Variants in KIDINS220 observed in about 807,000 individuals in gnomAD.
KIDINS220 encodes the protein kinase D interacting substrate 220.
A neutral mutation model predicts 157.6 loss-of-function variants in KIDINS220; 63 were observed. That is an observed-to-expected ratio of 0.40 (90% confidence interval 0.33 to 0.49). KIDINS220 has a LOEUF of 0.49. Ranked by LOEUF, KIDINS220 falls within the 20% of genes least tolerant of loss-of-function variation. KIDINS220 has a pLI of 0.66. For synonymous variants in KIDINS220, 732 were observed against 783.6 expected (o/e 0.93, Z 1.10); for missense variants, 1,772 against 2,171.2 (o/e 0.82, Z 3.65).
intron 24 of KIDINS220, 89 bp from the exon 25 acceptor site, chr2:8,748,089 A>G (rs983868147): frequency 6.4e-5 from 40 of 629,762 alleles, no homozygotes; most frequent in Non-Finnish European, 9.8e-5. Context: ...ATAAGATACA[A>G]CTCCAAAACT....
Position 8,734,625 on chromosome 2 carries a change from G to C in KIDINS220, c.3816+30C>G, listed in dbSNP as rs758353953. On this transcript the variant is annotated intron_variant, in intron 28 of 29. Coordinates refer to ENST00000256707, the MANE Select transcript of KIDINS220 (RefSeq NM_020738.4). Reference sequence around the variant, plus strand: ...TTGAATGTTATCATAAAATAATGTTGTAAACATCACAATGTTACAAATATC... The same window carrying C: ...TTGAATGTTATCATAAAATAATGTTCTAAACATCACAATGTTACAAATATC... 29 of 1,402,648 alleles carry C rather than the reference G, an allele frequency of 2.1e-5. No individual in the cohort carries two copies. In the Middle Eastern group the frequency reaches 9.8e-4, roughly 47 times the overall value. The allele number at this position is 1,402,648 out of a possible 1,614,324, so 86.9% of individuals were successfully genotyped here. A position where few individuals can be genotyped will look rare whatever the true frequency, so the allele number is the denominator to read the frequency against.
chr2:8,728,734 TG>T, downstream of KIDINS220: 1 of 440,248 alleles, frequency 2.3e-6, no homozygotes, highest in Non-Finnish European at 3.0e-6. Context: ...ACTGAGGCAC[TG>T]GGACTTACGA....
At chr2:8,780,763 AAC>A (rs1466776180) in intron 17 of KIDINS220, among the ~76,000 whole-genome samples, 3 of 152,202 alleles carry the variant, frequency 2.0e-5, no homozygotes, top group South Asian at 2.1e-4. Flanking sequence ...ACTCAAAAAA[AAC>A]AGTTTAAAAA....
At chr2:8,793,481 GT>G (rs1361322243) in intron 12 of KIDINS220, among the ~76,000 whole-genome samples, 1 of 152,172 alleles carries the variant, frequency 6.6e-6, no homozygotes, top group Non-Finnish European at 1.5e-5. Flanking sequence ...GGGCAACAGA[GT>G]GAGACCCAGT....
At chr2:8,810,883 A>C (rs1164381651) in intron 6 of KIDINS220, among the ~76,000 whole-genome samples, 2 of 152,230 alleles carry the variant, frequency 1.3e-5, no homozygotes. Flanking sequence ...CAAATGCAAT[A>C]TTCTTAAATG....
At chr2:8,764,239 A>C (rs1669143083) in intron 22 of KIDINS220, among the ~76,000 whole-genome samples, 2 of 152,180 alleles carry the variant, frequency 1.3e-5, no homozygotes, top group Non-Finnish European at 1.5e-5. Flanking sequence ...TTAGAGACTC[A>C]GAAGGGACAG....
intron 1 of KIDINS220, among the ~76,000 whole-genome samples, chr2:8,829,410 G>A (rs1679293677): frequency 6.6e-6 from 1 of 152,090 alleles, no homozygotes; most frequent in Non-Finnish European, 1.5e-5. Flanking sequence ...AAAAAATGAT[G>A]TTATTTGATC....
chr2:8,820,669 T>C (rs1435703116), intron 2 of KIDINS220, among the ~76,000 whole-genome samples: 4 of 152,140 alleles, frequency 2.6e-5, no homozygotes, highest in Non-Finnish European at 4.4e-5. Flanking sequence ...TACACATAAA[T>C]AGATTTTCTC....
intron 4 of KIDINS220, among the ~76,000 whole-genome samples, chr2:8,813,938 T>TAA (rs1322886210): frequency 6.6e-6 from 1 of 151,994 alleles, no homozygotes; most frequent in Non-Finnish European, 1.5e-5. Flanking sequence ...AAAAAAAAAT[T>TAA]TAAAAAATAA....
chr2:8,827,057 CATA>C lies in KIDINS220; in HGVS notation c.34_36del (p.Tyr12del). On this transcript the variant is annotated inframe_deletion, in exon 2 of 30. Transcript: ENST00000256707. The stretch of plus-strand genomic sequence containing the variant: ...AGAGCAGGAATGTTTTCTTCCTCTA[CATA>C]ATTTATGACGCTCTGTGATATCAAA... The C allele has an allele frequency of 6.2e-7, 1 of 1,609,210 alleles. No individual in the cohort carries two copies. Among genetic ancestry groups the C allele is most frequent in the Non-Finnish European group, 8.5e-7 (1 of 1,176,674 alleles).
chr2:8,832,444 T>C (rs1679783733), intron 1 of KIDINS220, among the ~76,000 whole-genome samples: 1 of 152,204 alleles, frequency 6.6e-6, no homozygotes, highest in Non-Finnish European at 1.5e-5. Flanking sequence ...TGACACGCTG[T>C]CATGTTTAAG....
chr2:8,833,134 A>T (rs1254341602), intron 1 of KIDINS220, among the ~76,000 whole-genome samples: 1 of 152,200 alleles, frequency 6.6e-6, no homozygotes, highest in Non-Finnish European at 1.5e-5. Flanking sequence ...ATGCTGCTGA[A>T]CACTACAGCT....
At chr2:8,762,791 T>TA (rs1017654600) in intron 22 of KIDINS220, among the ~76,000 whole-genome samples, 1 of 151,736 alleles carries the variant, frequency 6.6e-6, no homozygotes, top group Admixed American at 6.6e-5. Context: ...AAAAGTTACC[T>TA]AAAAAAAATT....
rs377667176 is a variant in KIDINS220, at chr2:8,778,957, A to G, written c.2553T>C (p.Asn851=). The G allele has an allele frequency of 2.2e-4, 361 of 1,614,036 alleles. No homozygotes were observed. The highest frequency in any genetic ancestry group is 3.0e-4 in the Non-Finnish European group (351 of 1,180,024). Residue 851 remains asparagine, a synonymous_variant, in exon 19 of 30, where the codon AAT becomes AAC. Coordinates refer to ENST00000256707, the MANE Select transcript of KIDINS220 (RefSeq NM_020738.4). ...CTGAAGTTACGAGAAATTTTCTTGC[A>G]TTGCTTAGTCCACGACTATTAAGGA... ...PVFLNSRGLS[N]ARKFLVTSAT... is the part of the protein sequence containing the mutation.
At chr2:8,825,616 A>T (rs190158644) in intron 2 of KIDINS220, 29 of 152,292 alleles carry the variant, frequency 1.9e-4, no homozygotes, top group Admixed American at 4.6e-4. Flanking sequence ...GTGTAAAATA[A>T]AAAACCACTC....
chr2:8,776,987 A>C lies in KIDINS220; in HGVS notation c.2704-95T>G, dbSNP rs991649813. ...GTTAATAAATGTTTATAACAAAAAA[A>C]AAATCCAAAGTTTTAGTCAAAGAGG... On this transcript the variant is annotated intron_variant, in intron 20 of 29. Coordinates refer to ENST00000256707, the MANE Select transcript of KIDINS220 (RefSeq NM_020738.4). The C allele has an allele frequency of 2.9e-6, 4 of 1,374,358 alleles. No individual in the cohort carries two copies. The Admixed American group carries it at 9.5e-5, about 33-fold the overall frequency. The allele number at this position is 1,374,358 out of a possible 1,614,324, so 85.1% of individuals were successfully genotyped here. A position where few individuals can be genotyped will look rare whatever the true frequency, so the allele number is the denominator to read the frequency against.
rs199746581 is a variant in KIDINS220, at chr2:8,789,869, C to A, written c.1621+11G>T. On this transcript the variant is annotated intron_variant, in intron 14 of 29. Coordinates refer to ENST00000256707, the MANE Select transcript of KIDINS220 (RefSeq NM_020738.4). Reference sequence around the variant, plus strand: ...CTCCATTTTTGAAAAAGATAAAAAGCAAAGACTTACTAAAGAATATATATA... The same window carrying A: ...CTCCATTTTTGAAAAAGATAAAAAGAAAAGACTTACTAAAGAATATATATA... The A allele has an allele frequency of 1.0e-4, 159 of 1,565,424 alleles. No homozygotes were observed. The highest frequency in any genetic ancestry group is 1.4e-4 in the Non-Finnish European group (157 of 1,159,882).
At chr2:8,779,918 A>T in intron 17 of KIDINS220, 104 bp from the exon 18 acceptor site, 19 of 1,199,360 alleles carry the variant, frequency 1.6e-5, no homozygotes, top group Non-Finnish European at 2.2e-5. Context: ...GGAACAGAAG[A>T]CATTCAAAGT....
chr2:8,765,685 C>G (rs1031149059), intron 22 of KIDINS220, among the ~76,000 whole-genome samples: 4 of 152,134 alleles, frequency 2.6e-5, no homozygotes, highest in Non-Finnish European at 5.9e-5. Flanking sequence ...TGTGCTATTT[C>G]TATAACCCAA....
Sources: gnomAD v4.1 joint callset for allele counts (sites outside exome capture counted in the v4.1 genomes callset) on GRCh38, gnomAD v4.1.1 for gene constraint, MANE v1.5 for transcripts, NCBI Gene and HGNC (gene_info 2026-07-23, HGNC 2026-07-21) for gene names.